Variants in CACNA1B observed in about 807,000 individuals in gnomAD.
The protein encoded by CACNA1B is calcium voltage-gated channel subunit alpha1 B.
Under a neutral mutation model 247.2 loss-of-function variants are expected in CACNA1B, and 70 were observed. The ratio of observed to expected loss-of-function variants is 0.28; its 90% CI spans 0.23 to 0.35. The LOEUF (loss-of-function observed/expected upper bound fraction) is 0.35. Among genes scored for constraint, CACNA1B ranks in the 10% least tolerant of loss-of-function variants. CACNA1B has a pLI of 1.00. For synonymous variants in CACNA1B, 1,231 were observed against 1,294.4 expected (o/e 0.95, Z 1.05); for missense variants, 2,367 against 3,197.4 (o/e 0.74, Z 6.26).
intron 15 of CACNA1B, among the ~76,000 whole-genome samples, chr9:138,006,180 AT>A (rs1401632819): frequency 6.6e-6 from 1 of 152,078 alleles, no homozygotes; most frequent in Non-Finnish European, 1.5e-5. Flanking sequence ...ATGGGGCAAA[AT>A]TTCCATTTTG....
At chr9:137,906,165 T>G (rs1484340933) in intron 3 of CACNA1B, among the ~76,000 whole-genome samples, 1 of 152,214 alleles carries the variant, frequency 6.6e-6, no homozygotes, top group African/African-American at 2.4e-5. Flanking sequence ...CTTTGAATTC[T>G]TCGTCAAAAA....
chr9:138,079,166 A>C (rs1960428877), intron 36 of CACNA1B, among the ~76,000 whole-genome samples: 1 of 152,172 alleles, frequency 6.6e-6, no homozygotes, highest in Non-Finnish European at 1.5e-5. Context: ...AGACTGCATC[A>C]GGGTGTCTTG....
In CACNA1B at chr9:138,057,474, T is replaced by C. The variant is rs1959553809; in HGVS notation, c.3969-258T>C. Reference sequence around the variant, plus strand: ...CATTCCCAGATTCGAGGTCACGAAGTTTTGCCCCCGTTTTCCTCTAAGTGT... The same window carrying C: ...CATTCCCAGATTCGAGGTCACGAAGCTTTGCCCCCGTTTTCCTCTAAGTGT... On this transcript the variant is annotated intron_variant, in intron 26 of 46. Coordinates refer to ENST00000371372, the MANE Select transcript of CACNA1B (RefSeq NM_000718.4). This position sits in a 1 kb window ranked among gnomAD's most constrained non-coding sequence, Gnocchi z 4.0. Among the ~76,000 whole-genome samples the C allele has an allele frequency of 6.6e-6, 1 of 152,188 alleles. No individual in the cohort carries two copies.
At position 138,118,673 on chromosome 9, in the gene CACNA1B, A is replaced by G. The variant is rs1176194784; in HGVS notation, c.5935A>G (p.Ser1979Gly). The G allele has an allele frequency of 6.4e-7, 1 of 1,558,700 alleles. No individual in the cohort carries two copies. The highest frequency in any genetic ancestry group is 1.9e-5 in the Admixed American group (1 of 52,742). The stretch of plus-strand genomic sequence containing the variant: ...ACAGGCTGTGGACGTTCAGATGCAG[A>G]GCATAACCCGGAGGGGCCCTGATGG... Reference protein sequence around the residue: ...GALAVDVQMQSITRRGPDGEP... With the variant: ...GALAVDVQMQGITRRGPDGEP... Residue 1979 changes from serine to glycine, a missense_variant, in exon 44 of 47, where the codon AGC (serine) becomes GGC (glycine). Physicochemically the swap from Ser to Gly is moderately conservative, Grantham distance 56. Coordinates refer to ENST00000371372, the MANE Select transcript of CACNA1B (RefSeq NM_000718.4).
intron 18 of CACNA1B, among the ~76,000 whole-genome samples, chr9:138,019,513 T>C (rs1958816058): frequency 1.2e-5 from 1 of 82,024 alleles, no homozygotes; most frequent in African/African-American, 5.1e-5. Flanking sequence ...CCACCTGCCC[T>C]GATGGAAGTG....
At position 138,052,201 on chromosome 9, in the gene CACNA1B, A is replaced by G; in HGVS notation, c.3807+13A>G. ...GCCCAAGCTCAAGGTTAGAGCCTGG[A>G]GTTGGGGCTTGAGGGATGTGCTGTG... On this transcript the variant is annotated intron_variant, in intron 25 of 46. Coordinates refer to ENST00000371372, the MANE Select transcript of CACNA1B (RefSeq NM_000718.4). The surrounding 1 kb of genome is among the most constrained non-coding windows in gnomAD (Gnocchi z 5.1). The G allele has an allele frequency of 1.3e-6, 2 of 1,533,384 alleles. No homozygotes were observed. The highest frequency in any genetic ancestry group is 1.8e-6 in the Non-Finnish European group (2 of 1,111,646). 95.0% of individuals were successfully genotyped at this position (1,533,384 alleles called of 1,614,324 possible).
chr9:138,052,026 G>C lies in CACNA1B; in HGVS notation c.3711-66G>C. 1.1e-6 allele frequency: 1 copy of C among 890,912 alleles called. No individual in the cohort carries two copies. The highest frequency in any genetic ancestry group is 1.4e-5 in the South Asian group (1 of 70,746). The allele number at this position is 890,912 out of a possible 1,614,324, so 55.2% of individuals were successfully genotyped here. On this transcript the variant is annotated intron_variant, in intron 24 of 46. Transcript: ENST00000371372. This position sits in a 1 kb window ranked among gnomAD's most constrained non-coding sequence, Gnocchi z 5.1. Reference sequence around the variant, plus strand: ...GGGGAGCAGGACTCAGACCCTGGGGGGCCACGTGGGAGCTGGGCACACCCA... The same window carrying C: ...GGGGAGCAGGACTCAGACCCTGGGGCGCCACGTGGGAGCTGGGCACACCCA...
intron 18 of CACNA1B, 149 bp downstream of exon 18, chr9:138,013,384 G>A: frequency 1.7e-6 from 1 of 599,950 alleles, no homozygotes; most frequent in Non-Finnish European, 2.9e-6. Context: ...TCGGAACTGG[G>A]ATGAGAGCCT....
chr9:138,112,140 GGA>G (rs1961659952), intron 39 of CACNA1B, among the ~76,000 whole-genome samples: 1 of 113,338 alleles, frequency 8.8e-6, no homozygotes, highest in African/African-American at 3.0e-5. Flanking sequence ...CACACACGTC[GGA>G]CACACACGTG....
intron 20 of CACNA1B, 91 bp from the exon 21 acceptor site, chr9:138,043,683 A>G: frequency 6.7e-7 from 1 of 1,481,956 alleles, no homozygotes; most frequent in Non-Finnish European, 9.3e-7. Context: ...ACCTGACGCA[A>G]GTGCCGGGGG....
intron 20 of CACNA1B, among the ~76,000 whole-genome samples, chr9:138,026,338 G>GATTCTCTGTGGATC (rs1295173584): frequency 6.6e-6 from 1 of 152,136 alleles, no homozygotes; most frequent in Non-Finnish European, 1.5e-5. Context: ...TCCCTCACCT[G>GATTCTCTGTGGATC]ATTCTCTGTG....
rs567114604 is a variant in CACNA1B, at chr9:138,059,484, A to G, written c.4585-170A>G. ...AGGTATCTGTGTCCCTGGCTTTGAC[A>G]TCTGCTTACCTCTGGCCTTGTGCTG... On this transcript the variant is annotated intron_variant, in intron 30 of 46. Coordinates refer to ENST00000371372, the MANE Select transcript of CACNA1B (RefSeq NM_000718.4). The surrounding 1 kb of genome is among the most constrained non-coding windows in gnomAD (Gnocchi z 4.2). Among the ~76,000 whole-genome samples, 5 of 152,208 alleles carry G rather than the reference A, an allele frequency of 3.3e-5. No homozygotes were observed. The highest frequency in any genetic ancestry group is 1.2e-4 in the African/African-American group (5 of 41,532).
chr9:138,059,913 C>T lies in CACNA1B; in HGVS notation c.4668+176C>T, dbSNP rs1029930853. The stretch of plus-strand genomic sequence containing the variant: ...GTTTAGGGATTGGGTGTTACCTCAG[C>T]AGATGTTCTTTCTTGAATAAGAAAG... On this transcript the variant is annotated intron_variant, in intron 31 of 46. Transcript: ENST00000371372. The surrounding 1 kb of genome is among the most constrained non-coding windows in gnomAD (Gnocchi z 4.2). Among the ~76,000 whole-genome samples the T allele has an allele frequency of 1.3e-5, 2 of 152,182 alleles. No homozygotes were observed. Among genetic ancestry groups the T allele is most frequent in the Admixed American group, 1.3e-4 (2 of 15,274 alleles).
rs1956921253 is a variant in CACNA1B, at chr9:137,881,592, AGTGC to A, written c.391-1151_391-1148del. Among the ~76,000 whole-genome samples, 1 of 152,146 alleles carries A rather than the reference AGTGC, an allele frequency of 6.6e-6. No homozygotes were observed. The highest frequency in any genetic ancestry group is 6.5e-5 in the Admixed American group (1 of 15,272). On this transcript the variant is annotated intron_variant, in intron 2 of 46. Transcript: ENST00000371372. This position sits in a 1 kb window ranked among gnomAD's most constrained non-coding sequence, Gnocchi z 4.3. ...CTGCTTCCTAAGGCAGCAGCCCTGG[AGTGC>A]AGGTGTCCGACACCCCCATGCCAAC...
chr9:138,089,622 A>G (rs1960813139), intron 36 of CACNA1B, among the ~76,000 whole-genome samples: 1 of 152,204 alleles, frequency 6.6e-6, no homozygotes, highest in African/African-American at 2.4e-5. Flanking sequence ...TTTATTCAAC[A>G]TAGTACTGGA....
rs191962352 is a variant in CACNA1B, at chr9:137,877,990, G to C, written c.57G>C (p.Glu19Asp). 3.9e-5 allele frequency: 45 copies of C among 1,165,154 alleles called. No homozygotes were observed. The African/African-American group carries it at 5.1e-4, about 13-fold the overall frequency. 72.2% of individuals were successfully genotyped at this position (1,165,154 alleles called of 1,614,324 possible). ...GCTATGGGGGCCCCGGCGGCGGAGA[G>C]CGGGCCCGGGGCGGCGGGGCCGGCG... ...GGRYGGPGGG[E>D]RARGGGAGGA... The change falls in exon 1 of 47, where the codon GAG becomes GAC. Residue 19 changes from glutamate (E) to aspartate (D), a missense_variant. Glu to Asp is a conservative substitution (Grantham distance 45). Transcript: ENST00000371372.
intron 3 of CACNA1B, among the ~76,000 whole-genome samples, chr9:137,897,340 G>T (rs1480182785): frequency 6.6e-6 from 1 of 152,118 alleles, no homozygotes; most frequent in African/African-American, 2.4e-5. Context: ...AGCACTTTGG[G>T]AGGCCAAGGC....
chr9:137,920,536 C>T (rs1957465923), intron 6 of CACNA1B, among the ~76,000 whole-genome samples: 1 of 152,220 alleles, frequency 6.6e-6, no homozygotes. Context: ...GTATTTTCCA[C>T]TTGAAAGTGG....
chr9:138,028,468 C>T (rs1958949224), intron 20 of CACNA1B, among the ~76,000 whole-genome samples: 1 of 152,184 alleles, frequency 6.6e-6, no homozygotes, highest in African/African-American at 2.4e-5. Context: ...ATATTGTTTC[C>T]TGATTACCAG....
Sources: gnomAD v4.1 joint callset for allele counts (sites outside exome capture counted in the v4.1 genomes callset) on GRCh38, gnomAD v4.1.1 for gene constraint, Gnocchi (gnomAD v3.1) non-coding constraint, MANE v1.5 for transcripts, NCBI Gene and HGNC (gene_info 2026-07-23, HGNC 2026-07-21) for gene names.